EIPR1: variants seen among roughly 807,000 people sequenced by gnomAD.
The protein encoded by EIPR1 is EARP complex and GARP complex interacting protein 1, also known as EARP and GARP complex-interacting protein 1.
In EIPR1, 25 loss-of-function variants were observed where a neutral mutation model predicts 48.1. The ratio of observed to expected loss-of-function variants is 0.52; its 90% CI spans 0.38 to 0.73. EIPR1 has a LOEUF of 0.73. EIPR1 is among the 30% of genes least tolerant of loss of function. EIPR1 has a pLI of 0.00. For missense variants in EIPR1, 415 were observed against 506.2 expected, an observed-to-expected ratio of 0.82 and a Z score of 1.73; for synonymous variants, 204 against 201.9, an observed-to-expected ratio of 1.01 and a Z score of -0.09.
rs1178498027 is a variant in EIPR1, at chr2:3,344,634, C to CTTTT, written c.127-6489_127-6486dup. On this transcript the variant is annotated intron_variant, in intron 2 of 8. Coordinates refer to ENST00000382125, the MANE Select transcript of EIPR1 (RefSeq NM_003310.5). The stretch of plus-strand genomic sequence containing the variant: ...ATAGAAACATATACTGGTTCTGGTT[C>CTTTT]TTTTTTTTTTTTTTTTTTTTTTTTT... 1.8e-4 allele frequency among the ~76,000 whole-genome samples: 13 copies of CTTTT among 74,210 alleles called. 1 individual carries two copies. The highest frequency in any genetic ancestry group is 4.5e-4 in the East Asian group (1 of 2,216). The allele number at this position is 74,210 out of a possible 152,430, so 48.7% of individuals were successfully genotyped here. A position where few individuals can be genotyped will look rare whatever the true frequency, so the allele number is the denominator to read the frequency against.
intron 4 of EIPR1, among the ~76,000 whole-genome samples, chr2:3,243,155 T>C (rs1337890214): frequency 2.6e-5 from 4 of 152,158 alleles, no homozygotes; most frequent in African/African-American, 9.7e-5. Flanking sequence ...ATCAACCAAA[T>C]AACCCCGTTT....
At chr2:3,276,156 G>A (rs1339747658) in intron 3 of EIPR1, among the ~76,000 whole-genome samples, 9 of 152,132 alleles carry the variant, frequency 5.9e-5, no homozygotes, top group Non-Finnish European at 1.0e-4. Context: ...AAGTGTACTC[G>A]ATTTTTAGAA....
chr2:3,313,013 G>C (rs1267861570), intron 3 of EIPR1, among the ~76,000 whole-genome samples: 2 of 152,154 alleles, frequency 1.3e-5, no homozygotes, highest in East Asian at 1.9e-4. Context: ...TGCACACTTC[G>C]CACCTCAGCT....
intron 3 of EIPR1, among the ~76,000 whole-genome samples, chr2:3,325,475 C>T (rs911620778): frequency 3.9e-5 from 6 of 152,172 alleles, no homozygotes; most frequent in Non-Finnish European, 5.9e-5. Context: ...CTGGGGCGGG[C>T]CACCTTCCAC....
intron 1 of EIPR1, among the ~76,000 whole-genome samples, chr2:3,359,385 T>G (rs142432719): frequency 6.6e-6 from 1 of 152,314 alleles, no homozygotes; most frequent in African/African-American, 2.4e-5. Context: ...AGCCGAGAGC[T>G]GCATACCTGG....
intron 3 of EIPR1, among the ~76,000 whole-genome samples, chr2:3,322,086 T>C (rs568361327): frequency 4.6e-5 from 7 of 152,286 alleles, no homozygotes; most frequent in African/African-American, 1.7e-4. Flanking sequence ...TATTCCACTG[T>C]CGGATCAGGA....
At chr2:3,356,542 G>A (rs1670733351) in intron 1 of EIPR1, among the ~76,000 whole-genome samples, 1 of 152,184 alleles carries the variant, frequency 6.6e-6, no homozygotes, top group Admixed American at 6.5e-5. Context: ...AACTGCACCT[G>A]GATCAAGTTC....
At chr2:3,268,871 G>C (rs185640974) in intron 3 of EIPR1, among the ~76,000 whole-genome samples, 98 of 152,272 alleles carry the variant, frequency 6.4e-4, no homozygotes, top group African/African-American at 1.9e-3. Context: ...GAATCTGGGA[G>C]GTAACATATG....
At chr2:3,249,221 T>C (rs1396356836) in intron 4 of EIPR1, among the ~76,000 whole-genome samples, 9 of 152,224 alleles carry the variant, frequency 5.9e-5, no homozygotes. Flanking sequence ...TATAGAAATA[T>C]GGACAGTGAA....
chr2:3,321,529 A>G (rs191472488), intron 3 of EIPR1, among the ~76,000 whole-genome samples: 1 of 152,274 alleles, frequency 6.6e-6, no homozygotes, highest in Non-Finnish European at 1.5e-5. Context: ...GGTTTCACAA[A>G]GAGGAGACTA....
intron 4 of EIPR1, among the ~76,000 whole-genome samples, chr2:3,250,284 C>A (rs1021128053): frequency 1.3e-5 from 2 of 152,240 alleles, no homozygotes; most frequent in African/African-American, 2.4e-5. Flanking sequence ...GGACGTAGGA[C>A]ATGGAGTCAG....
At chr2:3,211,051 G>C (rs1665432838) in intron 5 of EIPR1, among the ~76,000 whole-genome samples, 1 of 152,060 alleles carries the variant, frequency 6.6e-6, no homozygotes, top group Admixed American at 6.5e-5. Context: ...GAAATCATCT[G>C]TACACCAAAC....
intron 4 of EIPR1, among the ~76,000 whole-genome samples, chr2:3,248,071 A>T (rs182456448): frequency 2.0e-5 from 3 of 151,914 alleles, no homozygotes; most frequent in East Asian, 3.9e-4. Context: ...ATGGGGGCGG[A>T]TCCCTCATGA....
intron 2 of EIPR1, among the ~76,000 whole-genome samples, chr2:3,343,536 C>T (rs896493783): frequency 2.6e-5 from 4 of 152,108 alleles, no homozygotes; most frequent in Admixed American, 1.3e-4. Context: ...ATGTGTTAAT[C>T]GTTTATGATA....
intron 5 of EIPR1, among the ~76,000 whole-genome samples, chr2:3,204,880 G>A (rs532828619): frequency 3.3e-5 from 5 of 151,924 alleles, no homozygotes; most frequent in African/African-American, 7.2e-5. Flanking sequence ...ACCCTACTAC[G>A]TGTAGGCCGT....
chr2:3,204,131 C>A (rs144845711), intron 5 of EIPR1, among the ~76,000 whole-genome samples: 8 of 152,324 alleles, frequency 5.3e-5, no homozygotes, highest in Non-Finnish European at 8.8e-5. Context: ...TAAGGGGAGA[C>A]CCTGATGGAT....
rs978427746 is a variant in EIPR1, at chr2:3,265,745, G to A, written c.260-8290C>T. 3.3e-5 allele frequency among the ~76,000 whole-genome samples: 5 copies of A among 152,172 alleles called. No individual in the cohort carries two copies. In the East Asian group the frequency reaches 5.8e-4, roughly 18 times the overall value. On this transcript the variant is annotated intron_variant, in intron 3 of 8. Coordinates refer to ENST00000382125, the MANE Select transcript of EIPR1 (RefSeq NM_003310.5). ...GCCGACAGAAGTCAGAGAACCACAC[G>A]ATACCTAGGCTGAAAGGGAACTCCG...
At chr2:3,330,442 G>A (rs1669851721) in intron 3 of EIPR1, among the ~76,000 whole-genome samples, 1 of 152,176 alleles carries the variant, frequency 6.6e-6, no homozygotes, top group African/African-American at 2.4e-5. Flanking sequence ...TGTTGATTGA[G>A]AGGCCACCAC....
At chr2:3,306,241 C>G (rs566608050) in intron 3 of EIPR1, among the ~76,000 whole-genome samples, 50 of 152,322 alleles carry the variant, frequency 3.3e-4, no homozygotes, top group African/African-American at 1.1e-3. Context: ...CACACCTTTC[C>G]CACATTCTGG....
Sources: gnomAD v4.1 joint callset for allele counts (sites outside exome capture counted in the v4.1 genomes callset) on GRCh38, gnomAD v4.1.1 for gene constraint, MANE v1.5 for transcripts, NCBI Gene and HGNC (gene_info 2026-07-23, HGNC 2026-07-21) for gene names.